Variants in AKAP10 observed in about 807,000 individuals in gnomAD.
AKAP10 encodes A-kinase anchor protein 10, mitochondrial.
In AKAP10, 24 loss-of-function variants were observed where a neutral mutation model predicts 80.8. The ratio of observed to expected loss-of-function variants is 0.30; its 90% confidence interval spans 0.22 to 0.42. The LOEUF is 0.42. AKAP10 is among the 10% of genes least tolerant of loss of function. The pLI is 1.00. For missense variants in AKAP10, 661 were observed against 794.9 expected, an observed-to-expected ratio of 0.83 and a Z score of 2.03; for synonymous variants, 291 against 277.7, an observed-to-expected ratio of 1.05 and a Z score of -0.48.
At chr17:19,946,275 A>ATATATATATTT (rs1396725688) in intron 5 of AKAP10, among the ~76,000 whole-genome samples, 1 of 12,932 alleles carries the variant, frequency 7.7e-5, no homozygotes, top group Non-Finnish European at 1.4e-4. Flanking sequence ...ATATATATAT[A>ATATATATATTT]TTTTTTTTTT....
intron 4 of AKAP10, among the ~76,000 whole-genome samples, chr17:19,949,768 C>CA (rs1030981596): frequency 4.5e-4 from 33 of 72,962 alleles, no homozygotes; most frequent in East Asian, 3.1e-3. Context: ...GACTCTGTCT[C>CA]AAAAAAAAAA....
At chr17:19,920,555 A>C (rs2042798840) in intron 11 of AKAP10, among the ~76,000 whole-genome samples, 1 of 152,190 alleles carries the variant, frequency 6.6e-6, no homozygotes, top group African/African-American at 2.4e-5. Context: ...TTAAAAAGCA[A>C]AAAGTGGCTA....
chr17:19,932,510 A>C (rs1435650505), intron 9 of AKAP10, among the ~76,000 whole-genome samples: 1 of 151,992 alleles, frequency 6.6e-6, no homozygotes, highest in Non-Finnish European at 1.5e-5. Flanking sequence ...TCTCCCCCAA[A>C]ATATTTGTCA....
intron 2 of AKAP10, among the ~76,000 whole-genome samples, chr17:19,964,466 C>T (rs1279099970): frequency 6.6e-6 from 1 of 152,194 alleles, no homozygotes; most frequent in Non-Finnish European, 1.5e-5. Context: ...GGCTCCCCTT[C>T]TTGAGGCTAT....
chr17:19,944,424 A>G (rs2043081647), intron 5 of AKAP10, among the ~76,000 whole-genome samples: 1 of 152,068 alleles, frequency 6.6e-6, no homozygotes, highest in Non-Finnish European at 1.5e-5. Flanking sequence ...GGCCAAGGTG[A>G]GTAGATCATG....
rs1211970902 is a variant in AKAP10, at chr17:19,917,521, G to C, written c.1834+2515C>G. On this transcript the variant is annotated intron_variant, in intron 12 of 14. Coordinates refer to ENST00000225737, the MANE Select transcript of AKAP10 (RefSeq NM_007202.4). Reference sequence around the variant, plus strand: ...GTCTTGCTCCATTACCTAGGTGGAAGTGCAATGGCGTGATCACAATTCACT... The same window carrying C: ...GTCTTGCTCCATTACCTAGGTGGAACTGCAATGGCGTGATCACAATTCACT... Among the ~76,000 whole-genome samples, 75 of 152,130 alleles carry C rather than the reference G, an allele frequency of 4.9e-4. 3 individuals are homozygous for C. The highest frequency in any genetic ancestry group is 4.9e-3 in the Admixed American group (75 of 15,270).
chr17:19,966,941 T>C (rs983192617), intron 2 of AKAP10, among the ~76,000 whole-genome samples: 5 of 152,108 alleles, frequency 3.3e-5, no homozygotes, highest in Non-Finnish European at 7.4e-5. Flanking sequence ...GGAATCTAAC[T>C]GGCTTTACAT....
intron 12 of AKAP10, 148 bp from the exon 13 acceptor site, chr17:19,910,126 A>C (rs1432507519): frequency 3.0e-6 from 2 of 658,978 alleles, no homozygotes; most frequent in East Asian, 2.9e-5. Flanking sequence ...TTAAGAGTTC[A>C]AGACCAGCCT....
intron 5 of AKAP10, among the ~76,000 whole-genome samples, chr17:19,944,592 T>C (rs534879089): frequency 2.6e-5 from 4 of 152,062 alleles, no homozygotes; most frequent in East Asian, 1.9e-4. Flanking sequence ...GAGGCGGAGG[T>C]TGCCGTGAGC....
chr17:19,935,648 A>C (rs1469719350), intron 9 of AKAP10, among the ~76,000 whole-genome samples: 1 of 151,922 alleles, frequency 6.6e-6, no homozygotes, highest in Non-Finnish European at 1.5e-5. Flanking sequence ...TTTGTTAAAA[A>C]CTAAGACAAA....
In AKAP10 at chr17:19,918,317, A is replaced by G. The variant is rs10438823; in HGVS notation, c.1834+1719T>C. ...CACTTTGGGAGGCTAAGGCGGGCAG[A>G]TCACCTGAGGTCAGGAGTTTGAGAC... is the stretch of plus-strand genomic sequence containing the variant. On this transcript the variant is annotated intron_variant, in intron 12 of 14. Coordinates refer to ENST00000225737, the MANE Select transcript of AKAP10 (RefSeq NM_007202.4). Among the ~76,000 whole-genome samples the G allele has an allele frequency of 8.0e-3, 1,221 of 152,136 alleles. 15 individuals are homozygous for G. The highest frequency in any genetic ancestry group is 0.027 in the African/African-American group (1,142 of 41,528).
intron 2 of AKAP10, among the ~76,000 whole-genome samples, chr17:19,963,893 T>A (rs2043383849): frequency 6.6e-6 from 1 of 150,708 alleles, no homozygotes; most frequent in Non-Finnish European, 1.5e-5. Context: ...TGAAACTCCA[T>A]CTCAAAAAAA....
rs767492163 is a variant in AKAP10, at chr17:19,940,956, C to G, written c.1116G>C (p.Val372=). The part of the protein sequence containing the change: ...SHHFCKYQIE[V]LTSGTVYLAD... ...CCAGGTAAACAGTTCCACTGGTCAGCACTTCAATCTGGTATTTACAGAAAT... is the reference window on the plus strand; with the variant it reads ...CCAGGTAAACAGTTCCACTGGTCAGGACTTCAATCTGGTATTTACAGAAAT... Residue 372 remains valine (V), a synonymous_variant, in exon 7 of 15, where the codon GTG becomes GTC. Coordinates refer to ENST00000225737, the MANE Select transcript of AKAP10 (RefSeq NM_007202.4). 6.2e-7 allele frequency: 1 copy of G among 1,612,032 alleles called. No individual in the cohort carries two copies. Among genetic ancestry groups the G allele is most frequent in the South Asian group, 1.1e-5 (1 of 90,668 alleles).
intron 8 of AKAP10, 124 bp from the exon 9 acceptor site, chr17:19,936,554 A>G (rs2042994772): frequency 2.1e-6 from 2 of 938,290 alleles, no homozygotes; most frequent in East Asian, 5.4e-5. Flanking sequence ...AGAACTATAG[A>G]GCTATGTGAT....
intron 5 of AKAP10, among the ~76,000 whole-genome samples, chr17:19,946,262 TATATATA>T (rs1567765884): frequency 6.7e-5 from 2 of 29,662 alleles, no homozygotes; most frequent in African/African-American, 2.8e-4. Flanking sequence ...TATATATATA[TATATATA>T]TATATATTTT....
intron 1 of AKAP10, among the ~76,000 whole-genome samples, chr17:19,972,479 G>A (rs2043510383): frequency 6.6e-6 from 1 of 151,990 alleles, no homozygotes; most frequent in South Asian, 2.1e-4. Flanking sequence ...TTTTTGAGAC[G>A]GAATCTCACT....
chr17:19,949,685 T>C (rs1389327846), intron 4 of AKAP10, among the ~76,000 whole-genome samples: 3 of 150,820 alleles, frequency 2.0e-5, no homozygotes, highest in Non-Finnish European at 2.9e-5. Flanking sequence ...GGAGAAACAC[T>C]TGAACCCAGG....
chr17:19,941,946 A>G (rs893657698), intron 5 of AKAP10, 36 bp from the exon 6 acceptor site: 3 of 1,591,514 alleles, frequency 1.9e-6, no homozygotes, highest in Admixed American at 1.7e-5. Context: ...AATTGCCACT[A>G]AATTCAAACT....
intron 14 of AKAP10, 129 bp from the exon 15 acceptor site, chr17:19,906,361 G>A: frequency 1.0e-6 from 1 of 982,050 alleles, no homozygotes; most frequent in East Asian, 2.4e-5. Flanking sequence ...GCCAGAAGCT[G>A]ACTACAATTT....
Sources: gnomAD v4.1 joint callset for allele counts (sites outside exome capture counted in the v4.1 genomes callset) on GRCh38, gnomAD v4.1.1 for gene constraint, MANE v1.5 for transcripts, NCBI Gene and HGNC (gene_info 2026-07-23, HGNC 2026-07-21) for gene names.